Variants in FAM13A observed in about 807,000 individuals in gnomAD.
FAM13A encodes the protein family with sequence similarity 13 member A, also known as protein FAM13A.
In FAM13A, 76 loss-of-function variants were observed where a neutral mutation model predicts 129.6. The observed-to-expected ratio is 0.59, with a 90% CI of 0.49 to 0.71. The LOEUF (loss-of-function observed/expected upper bound fraction) is 0.71. FAM13A is among the 30% of genes least tolerant of loss of function. The pLI is 0.00. For synonymous variants in FAM13A, 443 were observed against 449.9 expected (o/e 0.98, Z 0.20); for missense variants, 1,108 against 1,249.3 (o/e 0.89, Z 1.70).
intron 6 of FAM13A, among the ~76,000 whole-genome samples, chr4:88,876,641 G>C (rs1310017690): frequency 6.6e-6 from 1 of 152,060 alleles, no homozygotes; most frequent in African/African-American, 2.4e-5. Flanking sequence ...GCCGAGGCTG[G>C]AGTGCAGTGG....
At chr4:88,737,272 C>T (rs2149415459) in intron 21 of FAM13A, among the ~76,000 whole-genome samples, 200 bp downstream of exon 21, 1 of 152,234 alleles carries the variant, frequency 6.6e-6, no homozygotes, top group Admixed American at 6.5e-5. Flanking sequence ...AAGAAATCAA[C>T]TAAATGGAAC....
intron 6 of FAM13A, among the ~76,000 whole-genome samples, chr4:88,902,074 G>A (rs554772437): frequency 6.6e-6 from 1 of 152,092 alleles, no homozygotes; most frequent in Non-Finnish European, 1.5e-5. Context: ...CTGAGTCTCT[G>A]AATAGACCAA....
chr4:88,930,067 G>A (rs958778384), intron 5 of FAM13A, among the ~76,000 whole-genome samples: 22 of 151,790 alleles, frequency 1.4e-4, no homozygotes, highest in Admixed American at 1.3e-4. Flanking sequence ...CTCTTGGTAT[G>A]TTTCACATTC....
At chr4:88,752,085 C>T (rs1485439011) in intron 14 of FAM13A, among the ~76,000 whole-genome samples, 1 of 152,204 alleles carries the variant, frequency 6.6e-6, no homozygotes, top group Non-Finnish European at 1.5e-5. Flanking sequence ...TAAAGTCACA[C>T]AGGGAAATAT....
intron 5 of FAM13A, among the ~76,000 whole-genome samples, chr4:88,920,684 GA>G (rs1750910798): frequency 6.6e-6 from 1 of 152,174 alleles, no homozygotes; most frequent in Admixed American, 6.5e-5. Context: ...ACCAGCAACG[GA>G]ACAAAGCTGG....
chr4:88,759,945 T>C (rs925990093), intron 13 of FAM13A, among the ~76,000 whole-genome samples: 2 of 152,260 alleles, frequency 1.3e-5, no homozygotes, highest in African/African-American at 4.8e-5. Context: ...AAAGTGTTTA[T>C]GAAACAGTTT....
At chr4:89,015,454 CTT>C (rs978971989) in intron 3 of FAM13A, among the ~76,000 whole-genome samples, 1 of 152,156 alleles carries the variant, frequency 6.6e-6, no homozygotes, top group African/African-American at 2.4e-5. Context: ...AAATTTCTCT[CTT>C]TGTACTCTTT....
chr4:88,880,796 G>C (rs1201309430), intron 6 of FAM13A, among the ~76,000 whole-genome samples: 1 of 118,194 alleles, frequency 8.5e-6, no homozygotes, highest in African/African-American at 3.1e-5. Flanking sequence ...GGGGGGGGGG[G>C]GCACAGTGGG....
At chr4:88,763,462 G>A (rs1258989824) in intron 13 of FAM13A, among the ~76,000 whole-genome samples, 1 of 152,132 alleles carries the variant, frequency 6.6e-6, no homozygotes, top group Non-Finnish European at 1.5e-5. Context: ...ATGCCAGGGG[G>A]CAAATATGAA....
At chr4:89,050,714 G>T (rs992583983) in intron 1 of FAM13A, among the ~76,000 whole-genome samples, 13 of 151,836 alleles carry the variant, frequency 8.6e-5, no homozygotes, top group African/African-American at 2.4e-4. Context: ...GATCACCTGA[G>T]GTCAGGAGTT....
rs1560938377 is a variant in FAM13A, at chr4:88,767,980, TA to T, written c.1535+2del. ...GAATATTAGGAGACAATTCTAAAAT[TA>T]CCTTTCATCAGACATCCATTCAAAA... On this transcript the variant is annotated splice_donor_variant, in intron 12 of 23. Coordinates refer to ENST00000264344, the MANE Select transcript of FAM13A (RefSeq NM_014883.4). LOFTEE classifies it high-confidence loss of function. 1 of 1,575,968 alleles carries T rather than the reference TA, an allele frequency of 6.3e-7. No homozygotes were observed. Among genetic ancestry groups the T allele is most frequent in the Non-Finnish European group, 8.7e-7 (1 of 1,145,654 alleles).
intron 4 of FAM13A, among the ~76,000 whole-genome samples, chr4:88,982,479 C>G (rs2148990760): frequency 6.6e-6 from 1 of 152,314 alleles, no homozygotes; most frequent in East Asian, 1.9e-4. Context: ...TCAAAGCAAA[C>G]TCTGTGGGTC....
intron 1 of FAM13A, among the ~76,000 whole-genome samples, chr4:89,054,298 G>GACACACAC (rs57198448): frequency 2.8e-4 from 42 of 149,934 alleles, no homozygotes; most frequent in African/African-American, 7.8e-4. Flanking sequence ...GATACACACA[G>GACACACAC]ACACACACAC....
At chr4:88,860,079 T>G (rs1463062369) in intron 6 of FAM13A, among the ~76,000 whole-genome samples, 1 of 152,200 alleles carries the variant, frequency 6.6e-6, no homozygotes, top group Non-Finnish European at 1.5e-5. Context: ...CTATAGCTAG[T>G]TTTTCCTTAC....
intron 6 of FAM13A, among the ~76,000 whole-genome samples, chr4:88,891,992 T>C (rs1745391614): frequency 6.6e-6 from 1 of 151,880 alleles, no homozygotes; most frequent in African/African-American, 2.4e-5. Context: ...ACCTGGACAA[T>C]GATGTGAGAC....
At chr4:88,881,720 CA>C (rs1491563440) in intron 6 of FAM13A, among the ~76,000 whole-genome samples, 3 of 150,918 alleles carry the variant, frequency 2.0e-5, no homozygotes, top group East Asian at 1.9e-4. Flanking sequence ...CTTAATGAAA[CA>C]AAAAAAATGA....
At chr4:88,909,257 C>T (rs75090827) in intron 5 of FAM13A, among the ~76,000 whole-genome samples, 83 of 152,082 alleles carry the variant, frequency 5.5e-4, no homozygotes, top group African/African-American at 1.9e-3. Context: ...GAATATTCTT[C>T]GGCTATAAAA....
chr4:88,953,377 C>T (rs1444737604), intron 4 of FAM13A, among the ~76,000 whole-genome samples: 1 of 152,098 alleles, frequency 6.6e-6, no homozygotes, highest in African/African-American at 2.4e-5. Context: ...ATCACTTGAA[C>T]CCAGAAGGCG....
At chr4:88,879,597 T>C (rs1156364289) in intron 6 of FAM13A, among the ~76,000 whole-genome samples, 1 of 152,288 alleles carries the variant, frequency 6.6e-6, no homozygotes, top group Middle Eastern at 3.4e-3. Context: ...CACTGTCTGA[T>C]TGTGGGCCTG....
Sources: gnomAD v4.1 joint callset for allele counts (sites outside exome capture counted in the v4.1 genomes callset) on GRCh38, gnomAD v4.1.1 for gene constraint, MANE v1.5 for transcripts, NCBI Gene and HGNC (gene_info 2026-07-23, HGNC 2026-07-21) for gene names.